The following SLIT2 variants were observed in gnomAD, a reference collection of about 807,000 sequenced individuals.
SLIT2 encodes the protein slit guidance ligand 2, also known as slit homolog 2 protein.
In SLIT2, 41 loss-of-function variants were observed where a neutral mutation model predicts 185.7. The observed-to-expected ratio is 0.22, with a 90% CI of 0.17 to 0.29. The LOEUF is 0.29. Ranked by LOEUF, SLIT2 falls within the 10% of genes least tolerant of loss-of-function variation. The pLI, the probability that SLIT2 is intolerant of heterozygous loss-of-function variation, is 1.00. For missense variants in SLIT2, 1,571 were observed against 1,909.0 expected (o/e 0.82, Z 3.30); for synonymous variants, 693 against 680.2 (o/e 1.02, Z -0.29).
At chr4:20,393,313 C>T (rs149948952) in intron 4 of SLIT2, 1 of 152,022 alleles carries the variant, frequency 6.6e-6, no homozygotes, top group African/African-American at 2.4e-5. Context: ...CAAATAGAAG[C>T]CTAATTACAT....
intron 29 of SLIT2, among the ~76,000 whole-genome samples, chr4:20,588,565 G>A (rs1399930724): frequency 2.6e-5 from 4 of 152,112 alleles, no homozygotes; most frequent in Non-Finnish European, 5.9e-5. Context: ...CAATTCAAAA[G>A]TAGGAGTAAA....
chr4:20,470,532 GTAA>G (rs1714874833), intron 5 of SLIT2, among the ~76,000 whole-genome samples: 1 of 133,426 alleles, frequency 7.5e-6, no homozygotes, highest in African/African-American at 2.7e-5. Flanking sequence ...GTGTGTGTGT[GTAA>G]TGTAAGGGAT....
At chr4:20,477,450 C>T (rs1488486373) in intron 5 of SLIT2, among the ~76,000 whole-genome samples, 1 of 152,146 alleles carries the variant, frequency 6.6e-6, no homozygotes, top group African/African-American at 2.4e-5. Flanking sequence ...CCACCTGCCT[C>T]GGCCTCCCAA....
In SLIT2 at chr4:20,504,676, A is replaced by G. The variant is rs556005267; in HGVS notation, c.915-5819A>G. ...TTGGGACCATATATATTTATTTCAC[A>G]CTAGAAATCAAATCATGTGTGAGAT... On this transcript the variant is annotated intron_variant, in intron 9 of 36. Transcript: ENST00000504154. 5.3e-5 allele frequency among the ~76,000 whole-genome samples: 8 copies of G among 152,254 alleles called. No homozygotes were observed. In the East Asian group the frequency reaches 1.4e-3, roughly 26 times the overall value.
intron 11 of SLIT2, among the ~76,000 whole-genome samples, chr4:20,512,183 C>T (rs1353551896): frequency 6.6e-6 from 1 of 151,936 alleles, no homozygotes; most frequent in African/African-American, 2.4e-5. Flanking sequence ...CAATTCCTGC[C>T]AAAATATTTC....
intron 18 of SLIT2, among the ~76,000 whole-genome samples, chr4:20,535,138 C>A (rs4696959): frequency 0.33 from 50,467 of 151,682 alleles, 9,137 homozygotes; most frequent in East Asian, 0.77. Context: ...GTCTCTACTA[C>A]AAATACAAAA....
chr4:20,600,756 A>G (rs1014211889), intron 33 of SLIT2, among the ~76,000 whole-genome samples: 17 of 152,084 alleles, frequency 1.1e-4, no homozygotes, highest in South Asian at 6.2e-4. Flanking sequence ...GCCTAGAGCA[A>G]ATACAGCTTT....
In SLIT2 at chr4:20,562,155, C is replaced by G. The variant is rs182299241; in HGVS notation, c.2726-5107C>G. 6.4e-3 allele frequency among the ~76,000 whole-genome samples: 977 copies of G among 151,918 alleles called. 21 individuals are homozygous for G. The highest frequency in any genetic ancestry group is 0.023 in the African/African-American group (939 of 41,428). On this transcript the variant is annotated intron_variant, in intron 26 of 36. Coordinates refer to ENST00000504154, the MANE Select transcript of SLIT2 (RefSeq NM_004787.4). ...CTGTCATCTGGAGATCATCTCCACC[C>G]CTCCACTGAAACTAGAACACCAGTA...
intron 29 of SLIT2, among the ~76,000 whole-genome samples, chr4:20,582,656 A>G (rs1473993185): frequency 6.6e-6 from 1 of 152,122 alleles, no homozygotes; most frequent in Non-Finnish European, 1.5e-5. Context: ...CTTTGCAGAG[A>G]TAGGAGATTC....
chr4:20,254,040 C>A lies in SLIT2; in HGVS notation c.179+46C>A. The A allele has an allele frequency of 6.4e-7, 1 of 1,565,864 alleles. No individual in the cohort carries two copies. The stretch of plus-strand genomic sequence containing the variant: ...TTCCCCTCTCCCCATCCGGGCCGCG[C>A]ACCCCTGCCTCCACTGGAGGAACCT... On this transcript the variant is annotated intron_variant, in intron 1 of 36. Coordinates refer to ENST00000504154, the MANE Select transcript of SLIT2 (RefSeq NM_004787.4). This position sits in a 1 kb window ranked among gnomAD's most constrained non-coding sequence, Gnocchi z 5.1.
At chr4:20,515,967 T>C (rs1828540) in intron 11 of SLIT2, among the ~76,000 whole-genome samples, 55,630 of 152,030 alleles carry the variant, frequency 0.37, 11,072 homozygotes, top group African/African-American at 0.54. Context: ...AGGCGCCTGC[T>C]ACCACACTCG....
At chr4:20,527,378 C>T (rs544935368) in intron 15 of SLIT2, among the ~76,000 whole-genome samples, 14 of 152,150 alleles carry the variant, frequency 9.2e-5, no homozygotes, top group African/African-American at 2.7e-4. Context: ...TTCCGCCTCC[C>T]GAGTTCATGC....
chr4:20,576,405 A>G (rs999404937), intron 29 of SLIT2, among the ~76,000 whole-genome samples: 1 of 152,186 alleles, frequency 6.6e-6, no homozygotes, highest in East Asian at 1.9e-4. Context: ...CTTTGCCCCC[A>G]TACACTACTT....
chr4:20,349,556 A>G lies in SLIT2; in HGVS notation c.395+80675A>G, dbSNP rs144008717. 9.3e-4 allele frequency among the ~76,000 whole-genome samples: 141 copies of G among 152,334 alleles called. 1 individual carries two copies. The highest frequency in any genetic ancestry group is 3.2e-3 in the African/African-American group (131 of 41,570). The stretch of plus-strand genomic sequence containing the variant: ...TGAGCTCCACGTTTCCTGAAACTGC[A>G]AAGTACTTGAAGCTAGTTTTTGATG... On this transcript the variant is annotated intron_variant, in intron 4 of 36. Transcript: ENST00000504154.
chr4:20,578,047 A>G (rs1203173670), intron 29 of SLIT2, among the ~76,000 whole-genome samples: 1 of 152,218 alleles, frequency 6.6e-6, no homozygotes. Context: ...TCGGGCTCAC[A>G]TCTCAGAACA....
At chr4:20,472,378 A>AGATATATATC (rs1715328919) in intron 5 of SLIT2, among the ~76,000 whole-genome samples, 3 of 26,650 alleles carry the variant, frequency 1.1e-4, no homozygotes, top group Admixed American at 1.5e-3. Flanking sequence ...ATCTATATCT[A>AGATATATATC]TATATATGTA....
chr4:20,375,603 C>T lies in SLIT2; in HGVS notation c.396-92149C>T, dbSNP rs1157681398. Among the ~76,000 whole-genome samples, 3 of 152,154 alleles carry T rather than the reference C, an allele frequency of 2.0e-5. No individual in the cohort carries two copies. In the East Asian group the frequency reaches 5.8e-4, roughly 29 times the overall value. On this transcript the variant is annotated intron_variant, in intron 4 of 36. Transcript: ENST00000504154. ...TTTGATTTATGGCAAACCATTTAAT[C>T]AGTCTTGACCTTCATTTTCTCATCA...
intron 4 of SLIT2, among the ~76,000 whole-genome samples, chr4:20,298,462 T>C (rs1716717570): frequency 6.6e-6 from 1 of 152,166 alleles, no homozygotes. Context: ...TTGATATTTG[T>C]CCTTTTCTTT....
At chr4:20,350,554 C>A (rs530569103) in intron 4 of SLIT2, among the ~76,000 whole-genome samples, 24 of 152,196 alleles carry the variant, frequency 1.6e-4, no homozygotes, top group African/African-American at 4.8e-4. Flanking sequence ...ATATGTAAGT[C>A]TCTTCCTAAA....
Sources: allele counts gnomAD v4.1 joint callset (sites outside exome capture counted in the v4.1 genomes callset), GRCh38; gene constraint gnomAD v4.1.1; non-coding constraint Gnocchi (gnomAD v3.1); transcripts MANE v1.5; gene names NCBI Gene and HGNC (gene_info 2026-07-23, HGNC 2026-07-21).